KSR2: variants seen among roughly 807,000 people sequenced by gnomAD.
The protein encoded by KSR2 is kinase suppressor of ras 2.
Under a neutral mutation model 107.8 loss-of-function variants are expected in KSR2, and 25 were observed. The ratio of observed to expected loss-of-function variants is 0.23; its 90% CI spans 0.17 to 0.32. The LOEUF (loss-of-function observed/expected upper bound fraction) is 0.32, where lower values mean the gene tolerates loss of function less well. Among genes scored for constraint, KSR2 ranks in the 10% least tolerant of loss-of-function variants. The pLI is 1.00. For missense variants in KSR2, 887 were observed against 1,268.9 expected, an observed-to-expected ratio of 0.70 and a Z score of 4.57; for synonymous variants, 480 against 507.0, an observed-to-expected ratio of 0.95 and a Z score of 0.71.
intron 1 of KSR2, among the ~76,000 whole-genome samples, chr12:117,912,939 C>G (rs781480822): frequency 5.9e-4 from 90 of 152,254 alleles, no homozygotes; most frequent in Non-Finnish European, 7.6e-4. Context: ...CAGCCAGTCC[C>G]CTCAGGGCAG....
At chr12:117,598,741 T>C (rs1398380541) in intron 5 of KSR2, among the ~76,000 whole-genome samples, 2 of 152,118 alleles carry the variant, frequency 1.3e-5, no homozygotes, top group Non-Finnish European at 2.9e-5. Context: ...TTTTCATATG[T>C]ATATCTTATT....
chr12:117,875,720 G>A (rs1444762341), intron 1 of KSR2, among the ~76,000 whole-genome samples: 2 of 152,134 alleles, frequency 1.3e-5, no homozygotes, highest in Non-Finnish European at 2.9e-5. Flanking sequence ...GGCATAAACA[G>A]CCCTTTCCGT....
chr12:117,739,167 G>A (rs542146), intron 4 of KSR2, among the ~76,000 whole-genome samples: 79,241 of 151,776 alleles, frequency 0.52, 21,300 homozygotes, highest in South Asian at 0.7. Flanking sequence ...TATCCTGGCT[G>A]ACACGGTGAA....
rs562317316 is a variant in KSR2, at chr12:117,968,464, T to C, written c.-209A>G. 27 of 1,322,284 alleles carry C rather than the reference T, an allele frequency of 2.0e-5. No homozygotes were observed. Among genetic ancestry groups the C allele is most frequent in the East Asian group, 1.8e-4 (6 of 33,572 alleles). 81.9% of individuals were successfully genotyped at this position (1,322,284 alleles called of 1,614,324 possible). On this transcript the variant is annotated 5_prime_UTR_variant, in exon 1 of 20. It adds an upstream start codon to the 5' untranslated region. Coordinates refer to ENST00000339824, the MANE Select transcript of KSR2 (RefSeq NM_173598.6). ...CAAAATTTATTATTTTATTTTGGGATATCAAGCGGACTCCATTAGAATGTC... is the reference window on the plus strand; with the variant it reads ...CAAAATTTATTATTTTATTTTGGGACATCAAGCGGACTCCATTAGAATGTC...
At chr12:117,636,007 G>T (rs566005356) in intron 5 of KSR2, among the ~76,000 whole-genome samples, 1 of 152,270 alleles carries the variant, frequency 6.6e-6, no homozygotes, top group East Asian at 1.9e-4. Context: ...GGCCAGGCTG[G>T]TCTTGAACTC....
At chr12:117,720,729 AT>A (rs1887174556) in intron 4 of KSR2, among the ~76,000 whole-genome samples, 1 of 152,238 alleles carries the variant, frequency 6.6e-6, no homozygotes, top group Admixed American at 6.5e-5. Flanking sequence ...ACAGGTCCCT[AT>A]TCTTGACAAG....
At chr12:117,652,905 T>C (rs1490872957) in intron 5 of KSR2, among the ~76,000 whole-genome samples, 1 of 152,150 alleles carries the variant, frequency 6.6e-6, no homozygotes, top group African/African-American at 2.4e-5. Context: ...GAATGCTTGA[T>C]TGGCATAGAC....
chr12:117,939,226 A>G (rs1895933962), intron 1 of KSR2, among the ~76,000 whole-genome samples: 1 of 152,248 alleles, frequency 6.6e-6, no homozygotes, highest in African/African-American at 2.4e-5. Context: ...TGCTTAAAAC[A>G]TAGTACTTAC....
At chr12:117,936,755 G>C (rs552678962) in intron 1 of KSR2, among the ~76,000 whole-genome samples, 1 of 152,214 alleles carries the variant, frequency 6.6e-6, no homozygotes, top group South Asian at 2.1e-4. Flanking sequence ...CCTAGAATGT[G>C]AGCTACAAGA....
Position 117,762,747 on chromosome 12 carries a change from A to G in KSR2, c.473-1223T>C, listed in dbSNP as rs113566228. On this transcript the variant is annotated intron_variant, in intron 3 of 19. Coordinates refer to ENST00000339824, the MANE Select transcript of KSR2 (RefSeq NM_173598.6). The stretch of plus-strand genomic sequence containing the variant: ...CTAGGTGTGGTGGCGTGTGCCTGTA[A>G]TCCCAGCTACTCAGAAGGCTGAGGC... Among the ~76,000 whole-genome samples, 1,461 of 152,066 alleles carry G rather than the reference A, an allele frequency of 9.6e-3. 27 individuals carry two copies. Among genetic ancestry groups the G allele is most frequent in the African/African-American group, 0.034 (1,407 of 41,476 alleles).
At chr12:117,536,338 G>A (rs1443354337) in intron 10 of KSR2, among the ~76,000 whole-genome samples, 1 of 152,202 alleles carries the variant, frequency 6.6e-6, no homozygotes, top group East Asian at 1.9e-4. Flanking sequence ...AGGTACTCTT[G>A]ACCCTGGGAG....
At chr12:117,645,711 C>T (rs950606400) in intron 5 of KSR2, among the ~76,000 whole-genome samples, 5 of 152,272 alleles carry the variant, frequency 3.3e-5, no homozygotes, top group African/African-American at 4.8e-5. Flanking sequence ...CTTAGATCAA[C>T]GCCTTAGTTT....
chr12:117,563,317 T>C (rs113952051), intron 7 of KSR2, among the ~76,000 whole-genome samples: 5 of 152,074 alleles, frequency 3.3e-5, no homozygotes, highest in South Asian at 2.1e-4. Flanking sequence ...AGATGAGAGA[T>C]GAATGGGAGC....
intron 5 of KSR2, among the ~76,000 whole-genome samples, chr12:117,645,867 G>GCA (rs146491377): frequency 0.045 from 4,595 of 102,564 alleles, 244 homozygotes; most frequent in African/African-American, 0.17. Context: ...ATGTGTATGT[G>GCA]CGTGTGTGTG....
Position 117,545,456 on chromosome 12 carries a change from C to T in KSR2, c.1519-5569G>A, listed in dbSNP as rs138580435. Among the ~76,000 whole-genome samples the T allele has an allele frequency of 3.1e-3, 471 of 152,174 alleles. 2 individuals carry two copies. Among genetic ancestry groups the T allele is most frequent in the African/African-American group, 9.6e-3 (400 of 41,530 alleles). On this transcript the variant is annotated intron_variant, in intron 9 of 19. Transcript: ENST00000339824. ...TTGGAGTAAGACAGTTTTAAAATTA[C>T]GAATTCCGTTTCCTTAATGTTTACA...
At chr12:117,799,400 G>A (rs767091481) in intron 3 of KSR2, among the ~76,000 whole-genome samples, 3 of 151,922 alleles carry the variant, frequency 2.0e-5, no homozygotes, top group Non-Finnish European at 4.4e-5. Context: ...TACTCAGGAG[G>A]CTGAGGCTGG....
chr12:117,803,087 A>C (rs527591395), intron 3 of KSR2, among the ~76,000 whole-genome samples: 1 of 152,240 alleles, frequency 6.6e-6, no homozygotes, highest in Non-Finnish European at 1.5e-5. Flanking sequence ...GATTCTGGGC[A>C]AAATAATGCC....
At chr12:117,938,413 A>C (rs1895907955) in intron 1 of KSR2, among the ~76,000 whole-genome samples, 1 of 151,968 alleles carries the variant, frequency 6.6e-6, no homozygotes. Flanking sequence ...CAGCACTTTG[A>C]GAGACAGAGG....
At chr12:117,888,481 C>G (rs1197739759) in intron 1 of KSR2, among the ~76,000 whole-genome samples, 1 of 152,160 alleles carries the variant, frequency 6.6e-6, no homozygotes, top group East Asian at 1.9e-4. Flanking sequence ...GAATCCCTAA[C>G]TCCCAGTTTG....
Sources: gnomAD v4.1 joint callset for allele counts (sites outside exome capture counted in the v4.1 genomes callset) on GRCh38, gnomAD v4.1.1 for gene constraint, MANE v1.5 for transcripts, NCBI Gene and HGNC (gene_info 2026-07-23, HGNC 2026-07-21) for gene names.